Variants in COL26A1 observed in about 807,000 individuals in gnomAD.
COL26A1 encodes collagen alpha-1(XXVI) chain.
Under a neutral mutation model 59.3 loss-of-function variants are expected in COL26A1, and 41 were observed. The observed-to-expected ratio is 0.69, with a 90% CI of 0.54 to 0.90. The LOEUF (loss-of-function observed/expected upper bound fraction) is 0.90, where lower values mean the gene tolerates loss of function less well. COL26A1 is among the 40% of genes least tolerant of loss of function. The pLI is 0.00. For missense variants in COL26A1, 612 were observed against 602.3 expected, an observed-to-expected ratio of 1.02 and a Z score of -0.17; for synonymous variants, 266 against 256.0, an observed-to-expected ratio of 1.04 and a Z score of -0.37.
chr7:101,453,584 A>T (rs753349286), intron 3 of COL26A1, among the ~76,000 whole-genome samples: 1 of 152,040 alleles, frequency 6.6e-6, no homozygotes, highest in African/African-American at 2.4e-5. Flanking sequence ...CTTGCTCAGG[A>T]TGCGTGTCCC....
intron 3 of COL26A1, among the ~76,000 whole-genome samples, chr7:101,531,262 C>T (rs1562791867): frequency 6.6e-6 from 1 of 152,238 alleles, no homozygotes; most frequent in East Asian, 1.9e-4. Context: ...TGAGCCACCA[C>T]ACCCGGCCTA....
At chr7:101,409,779 G>T (rs1275961526) in intron 1 of COL26A1, among the ~76,000 whole-genome samples, 2 of 151,586 alleles carry the variant, frequency 1.3e-5, no homozygotes, top group African/African-American at 4.8e-5. Context: ...CTTTTTTTTT[G>T]AGACGGAGTC....
intron 1 of COL26A1, among the ~76,000 whole-genome samples, chr7:101,410,864 AT>A (rs1478604520): frequency 2.2e-5 from 3 of 138,420 alleles, no homozygotes; most frequent in South Asian, 2.2e-4. Context: ...CACCCAGCTA[AT>A]TTTTTTTTCT....
Position 101,506,491 on chromosome 7 carries a change from TG to T in COL26A1, c.386-26588del, listed in dbSNP as rs369085684. On this transcript the variant is annotated intron_variant, in intron 3 of 12. Transcript: ENST00000313669. ...GATTAGACCTACCCAGCCCACCCCCTGGGACAGTGGCTCTGGCTCCAGGGAG... is the reference window on the plus strand; with the variant it reads ...GATTAGACCTACCCAGCCCACCCCCTGGACAGTGGCTCTGGCTCCAGGGAG... Among the ~76,000 whole-genome samples, 499 of 152,320 alleles carry T rather than the reference TG, an allele frequency of 3.3e-3. 3 individuals are homozygous for T. Among genetic ancestry groups the T allele is most frequent in the African/African-American group, 0.011 (464 of 41,578 alleles).
chr7:101,375,584 C>T (rs1437853662), intron 1 of COL26A1, among the ~76,000 whole-genome samples: 1 of 151,786 alleles, frequency 6.6e-6, no homozygotes, highest in Non-Finnish European at 1.5e-5. Flanking sequence ...CTTGCAATCT[C>T]AGCTACTTGG....
At position 101,549,243 on chromosome 7, in the gene COL26A1, A is replaced by C; in HGVS notation, c.993+20A>C. 6.3e-7 allele frequency: 1 copy of C among 1,591,218 alleles called. No homozygotes were observed. Among genetic ancestry groups the C allele is most frequent in the Non-Finnish European group, 8.6e-7 (1 of 1,165,242 alleles). On this transcript the variant is annotated intron_variant, in intron 9 of 12. Transcript: ENST00000313669. ...TCCCAGGTAAGGACTTTGCCATTTT[A>C]GGTAGGGTGTGGGAGGCGGCGGGTG...
At chr7:101,376,524 G>C (rs1023055092) in intron 1 of COL26A1, among the ~76,000 whole-genome samples, 1 of 152,112 alleles carries the variant, frequency 6.6e-6, no homozygotes, top group Admixed American at 6.6e-5. Context: ...ATAGGTTTCC[G>C]GTGCTCTCCC....
At position 101,525,224 on chromosome 7, in the gene COL26A1, C is replaced by T. The variant is rs557310435; in HGVS notation, c.386-7858C>T. On this transcript the variant is annotated intron_variant, in intron 3 of 12. Transcript: ENST00000313669. ...TGAGACAGAGTCTTGCTCTGTCACC[C>T]AGGCTGGAATGCAGTGGCGTGATCT... Among the ~76,000 whole-genome samples the T allele has an allele frequency of 1.4e-4, 19 of 138,330 alleles. 1 individual carries two copies. The highest frequency in any genetic ancestry group is 5.3e-4 in the African/African-American group (19 of 35,858). The allele number at this position is 138,330 out of a possible 152,430, so 90.7% of individuals were successfully genotyped here.
At position 101,363,174 on chromosome 7, in the gene COL26A1, G is replaced by C. The variant is rs1448538466; in HGVS notation, c.142G>C (p.Gly48Arg). Residue 48 changes from glycine (G) to arginine (R), a missense_variant, in exon 1 of 13, where the codon GGC becomes CGC. By Grantham distance (125) the Gly-to-Arg change is moderately radical (BLOSUM62 -2). Coordinates refer to ENST00000313669, the MANE Select transcript of COL26A1 (RefSeq NM_001278563.3). ...GCCCGGCGCCGGCTCCCCTGGCAGC[G>C]GCTACGCGAGCCGCCGGTGAGTAGC... Reference protein sequence around the residue: ...PEPGAGSPGSGYASRRHWCHH... With the variant: ...PEPGAGSPGSRYASRRHWCHH... The C allele has an allele frequency of 4.7e-6, 7 of 1,500,782 alleles. No individual in the cohort carries two copies. The East Asian group carries it at 8.3e-5, about 18-fold the overall frequency. The allele number at this position is 1,500,782 out of a possible 1,614,324, so 93.0% of individuals were successfully genotyped here.
In COL26A1 at chr7:101,463,869, T is replaced by TTTCTTTC. The variant is rs767308668; in HGVS notation, c.385+16084_385+16085insCTTTCTT. Among the ~76,000 whole-genome samples, 247 of 91,724 alleles carry TTTCTTTC rather than the reference T, an allele frequency of 2.7e-3. 2 individuals carry two copies. Among genetic ancestry groups the TTTCTTTC allele is most frequent in the African/African-American group, 0.014 (242 of 16,916 alleles). 60.2% of individuals were successfully genotyped at this position (91,724 alleles called of 152,430 possible). On this transcript the variant is annotated intron_variant, in intron 3 of 12. Transcript: ENST00000313669. ...CCCTCCCTCTTTTTTCTCTTTTTTCTTTTCTTTCTTTCTTTCTTTCTTTCT... is the reference window on the plus strand; with the variant it reads ...CCCTCCCTCTTTTTTCTCTTTTTTCTTTCTTTCTTTCTTTCTTTCTTTCTTTCTTTCT...
At chr7:101,426,710 G>A (rs1362508746) in intron 2 of COL26A1, among the ~76,000 whole-genome samples, 1 of 152,166 alleles carries the variant, frequency 6.6e-6, no homozygotes, top group Non-Finnish European at 1.5e-5. Context: ...GGGGATGTGA[G>A]GTTTGCAGGG....
chr7:101,489,876 T>G (rs1311180768), intron 3 of COL26A1, among the ~76,000 whole-genome samples: 2 of 75,856 alleles, frequency 2.6e-5, no homozygotes, highest in East Asian at 5.8e-4. Context: ...CTTTCTTTCT[T>G]TCTTTCTTTC....
At chr7:101,384,938 A>T (rs1791531168) in intron 1 of COL26A1, among the ~76,000 whole-genome samples, 1 of 152,112 alleles carries the variant, frequency 6.6e-6, no homozygotes, top group Non-Finnish European at 1.5e-5. Context: ...AGAGTTCAAA[A>T]GCTGAAAAGC....
chr7:101,423,369 A>G (rs1238088449), intron 2 of COL26A1, among the ~76,000 whole-genome samples: 1 of 152,220 alleles, frequency 6.6e-6, no homozygotes, highest in African/African-American at 2.4e-5. Flanking sequence ...AAAATTTTTC[A>G]AGTGATCATT....
intron 1 of COL26A1, among the ~76,000 whole-genome samples, chr7:101,378,369 C>T (rs2117023051): frequency 6.6e-6 from 1 of 152,162 alleles, no homozygotes; most frequent in Admixed American, 6.6e-5. Context: ...ACCCATTCTT[C>T]CTTGCTAATT....
intron 3 of COL26A1, among the ~76,000 whole-genome samples, chr7:101,517,302 C>G (rs35815823): frequency 0.19 from 28,749 of 152,080 alleles, 3,158 homozygotes; most frequent in African/African-American, 0.3. Context: ...GGGGCTCTGA[C>G]ACCTGCCTGC....
intron 3 of COL26A1, among the ~76,000 whole-genome samples, chr7:101,520,633 T>TAC (rs3073377): frequency 0.015 from 2,119 of 137,280 alleles, 20 homozygotes; most frequent in East Asian, 0.048. Context: ...CACAGACACA[T>TAC]ACACACACAC....
intron 3 of COL26A1, among the ~76,000 whole-genome samples, chr7:101,517,708 A>G (rs938313959): frequency 2.6e-5 from 4 of 151,218 alleles, no homozygotes; most frequent in African/African-American, 4.9e-5. Context: ...TCTTGATCCC[A>G]GGGGATAGAA....
intron 5 of COL26A1, among the ~76,000 whole-genome samples, chr7:101,543,788 T>C (rs1795667768): frequency 6.6e-6 from 1 of 152,230 alleles, no homozygotes; most frequent in Admixed American, 6.5e-5. Context: ...AAGCAGTTCT[T>C]AGAATCATAG....
Sources: allele counts gnomAD v4.1 joint callset (sites outside exome capture counted in the v4.1 genomes callset), GRCh38; gene constraint gnomAD v4.1.1; transcripts MANE v1.5; gene names NCBI Gene and HGNC (gene_info 2026-07-23, HGNC 2026-07-21).